Variants in PRR29 observed in about 807,000 individuals in gnomAD.
The protein encoded by PRR29 is proline rich 29, also known as proline-rich protein 29.
PRR29 carries 20 observed loss-of-function variants against 25.1 expected under a neutral mutation model. The ratio of observed to expected loss-of-function variants is 0.80; its 90% CI spans 0.56 to 1.16. The LOEUF is 1.16. Among genes scored for constraint, PRR29 ranks in the 50% most tolerant of loss-of-function variants. The probability of loss-of-function intolerance (pLI) is 0.00; values close to 1 mark genes in which losing one functional copy is unlikely to be tolerated. For synonymous variants in PRR29, 108 were observed against 102.6 expected, an observed-to-expected ratio of 1.05 and a Z score of -0.32; for missense variants, 238 against 246.6, an observed-to-expected ratio of 0.97 and a Z score of 0.23.
At chr17:64,001,027 T>C in intron 3 of PRR29, 57 bp from the exon 4 acceptor site, 2 of 1,371,456 alleles carry the variant, frequency 1.5e-6, no homozygotes, top group South Asian at 1.2e-5. Context: ...GGAGTGGCGG[T>C]GGGGAGAGCC....
In PRR29 at chr17:63,998,701, C is replaced by A; in HGVS notation, c.61-6C>A. 1 of 1,515,566 alleles carries A rather than the reference C, an allele frequency of 6.6e-7. No homozygotes were observed. The highest frequency in any genetic ancestry group is 8.8e-7 in the Non-Finnish European group (1 of 1,132,550). The allele number at this position is 1,515,566 out of a possible 1,614,324, so 93.9% of individuals were successfully genotyped here. On this transcript the variant is annotated splice_polypyrimidine_tract_variant and splice_region_variant and intron_variant, in intron 1 of 5. Transcript: ENST00000412177. ...CCCACCTGGCTGACTCCGCGCACACCCCCAGCCCTGGGTCACCTTCCTGCA... is the reference window on the plus strand; with the variant it reads ...CCCACCTGGCTGACTCCGCGCACACACCCAGCCCTGGGTCACCTTCCTGCA...
Position 64,002,529 on chromosome 17 carries a change from G to A in PRR29, c.*768G>A. Reference sequence around the variant, plus strand: ...GGGAGGGAGGCATCTAGGGAGAGGGGTCCCCCATGGTGGCTCCCCTCCCTG... The same window carrying A: ...GGGAGGGAGGCATCTAGGGAGAGGGATCCCCCATGGTGGCTCCCCTCCCTG... On this transcript the variant is annotated 3_prime_UTR_variant, in exon 6 of 6. Coordinates refer to ENST00000412177, the MANE Select transcript of PRR29 (RefSeq NM_001164257.2). The A allele has an allele frequency of 1.8e-6, 1 of 552,330 alleles. No homozygotes were observed. Among genetic ancestry groups the A allele is most frequent in the Non-Finnish European group, 3.2e-6 (1 of 310,816 alleles). The allele number at this position is 552,330 out of a possible 1,614,324, so 34.2% of individuals were successfully genotyped here.
intron 1 of PRR29, 110 bp downstream of exon 1, chr17:63,998,534 GCCC>G: frequency 7.8e-7 from 1 of 1,283,132 alleles, no homozygotes; most frequent in Non-Finnish European, 1.0e-6. Context: ...AGGAGAGACA[GCCC>G]CAAACCGAGA....
chr17:64,000,971 C>A, intron 3 of PRR29, 113 bp from the exon 4 acceptor site: 1 of 944,066 alleles, frequency 1.1e-6, no homozygotes, highest in Non-Finnish European at 1.6e-6. Context: ...TGGCCACAAG[C>A]CATTCTTACA....
Position 64,003,004 on chromosome 17 carries a change from C to A in PRR29, c.*1243C>A. 2 of 1,403,276 alleles carry A rather than the reference C, an allele frequency of 1.4e-6. No individual in the cohort carries two copies. The highest frequency in any genetic ancestry group is 2.4e-5 in the East Asian group (1 of 42,206). 86.9% of individuals were successfully genotyped at this position (1,403,276 alleles called of 1,614,324 possible). A position where few individuals can be genotyped will look rare whatever the true frequency, so the allele number is the denominator to read the frequency against. ...GACCAAAAGGGAGTGGAAGTCCACC[C>A]CCAACCCAGACCCCCAGACCCCGCC... On this transcript the variant is annotated 3_prime_UTR_variant, in exon 6 of 6. Coordinates refer to ENST00000412177, the MANE Select transcript of PRR29 (RefSeq NM_001164257.2).
At position 63,998,766 on chromosome 17, in the gene PRR29, A is replaced by G; in HGVS notation, c.120A>G (p.Pro40=). 1.3e-6 allele frequency: 2 copies of G among 1,492,652 alleles called. No individual in the cohort carries two copies. The highest frequency in any genetic ancestry group is 1.8e-6 in the Non-Finnish European group (2 of 1,127,358). The allele number at this position is 1,492,652 out of a possible 1,614,324, so 92.5% of individuals were successfully genotyped here. The change falls in exon 2 of 6, where the codon CCA becomes CCG. Residue 40 remains proline, a synonymous_variant. Transcript: ENST00000412177. ...CCGTCCCACCTGCGCCCCCGCAGCC[A>G]GGCCGCGTGAAGGAAGGTGAGACTC... ...SWAVPPAPPQ[P]GRVKEDLLEL... is the part of the protein sequence containing the mutation.
Position 64,001,868 on chromosome 17 carries a change from G to C in PRR29, c.*107G>C. 6.5e-7 allele frequency: 1 copy of C among 1,536,854 alleles called. No individual in the cohort carries two copies. Among genetic ancestry groups the C allele is most frequent in the South Asian group, 1.2e-5 (1 of 84,058 alleles). The stretch of plus-strand genomic sequence containing the variant: ...GACTCCCCGGTGCCCATGGCTGGCA[G>C]TCCTTCTCACTCCCTCAACCTCAGC... On this transcript the variant is annotated 3_prime_UTR_variant, in exon 6 of 6. Transcript: ENST00000412177.
rs1255827256 is a variant in PRR29, at chr17:64,002,171, C to T, written c.*410C>T. 4 of 736,072 alleles carry T rather than the reference C, an allele frequency of 5.4e-6. No individual in the cohort carries two copies. Among genetic ancestry groups the T allele is most frequent in the Non-Finnish European group, 8.7e-6 (4 of 461,472 alleles). The allele number at this position is 736,072 out of a possible 1,614,324, so 45.6% of individuals were successfully genotyped here. On this transcript the variant is annotated 3_prime_UTR_variant, in exon 6 of 6. Transcript: ENST00000412177. ...GGGAGGGGGGGATTCCTTCTGCTTT[C>T]CACAGCTTTGAAGGCCCCTTTGAGG...
rs753330024 is a variant in PRR29 at position 64,002,933 on chromosome 17, G to C, written c.*1172G>C. ...GGCTGTCCGACACAGGCTCTGGGGA[G>C]GGAGGGGGCAAGGGTCTTAGACGTC... On this transcript the variant is annotated 3_prime_UTR_variant, in exon 6 of 6. Coordinates refer to ENST00000412177, the MANE Select transcript of PRR29 (RefSeq NM_001164257.2). The C allele has an allele frequency of 6.2e-7, 1 of 1,612,546 alleles. No homozygotes were observed. Among genetic ancestry groups the C allele is most frequent in the South Asian group, 1.1e-5 (1 of 91,020 alleles).
Position 64,002,063 on chromosome 17 carries a change from G to C in PRR29, c.*302G>C. On this transcript the variant is annotated 3_prime_UTR_variant, in exon 6 of 6. Coordinates refer to ENST00000412177, the MANE Select transcript of PRR29 (RefSeq NM_001164257.2). ...TCCTGCCTGGAGCAGGGGGAGGCCT[G>C]GGAACAGAGCCCCCACCCTCTCTCC... is the stretch of plus-strand genomic sequence containing the variant. 7.1e-7 allele frequency: 1 copy of C among 1,416,228 alleles called. No individual in the cohort carries two copies. The highest frequency in any genetic ancestry group is 9.5e-7 in the Non-Finnish European group (1 of 1,051,432). The allele number at this position is 1,416,228 out of a possible 1,614,324, so 87.7% of individuals were successfully genotyped here.
In PRR29 at chr17:64,001,456, C is replaced by T; in HGVS notation, c.471-11C>T. 6.7e-7 allele frequency: 1 copy of T among 1,498,506 alleles called. No homozygotes were observed. Among genetic ancestry groups the T allele is most frequent in the Non-Finnish European group, 8.9e-7 (1 of 1,128,032 alleles). The allele number at this position is 1,498,506 out of a possible 1,614,324, so 92.8% of individuals were successfully genotyped here. ...CCTCTGATGGGGGTCTTTTTCTTTC[C>T]CCCATCTCAGGAGAGCTGTGCCCCC... On this transcript the variant is annotated splice_polypyrimidine_tract_variant and intron_variant, in intron 4 of 5. Coordinates refer to ENST00000412177, the MANE Select transcript of PRR29 (RefSeq NM_001164257.2).
Position 64,003,872 on chromosome 17 carries a change from G to C in PRR29, c.*2111G>C, listed in dbSNP as rs770462917. ...AGGAAGAGGGTGAGGCTGTCCAGGG[G>C]CTCCACGGTGGGCACCCTGCACTCA... is the stretch of plus-strand genomic sequence containing the variant. On this transcript the variant is annotated 3_prime_UTR_variant, in exon 6 of 6. Coordinates refer to ENST00000412177, the MANE Select transcript of PRR29 (RefSeq NM_001164257.2). 1.2e-6 allele frequency: 2 copies of C among 1,614,220 alleles called. No homozygotes were observed. Among genetic ancestry groups the C allele is most frequent in the Non-Finnish European group, 1.7e-6 (2 of 1,180,024 alleles).
chr17:64,001,461 T>A lies in PRR29; in HGVS notation c.471-6T>A. 1 of 1,498,058 alleles carries A rather than the reference T, an allele frequency of 6.7e-7. No homozygotes were observed. Among genetic ancestry groups the A allele is most frequent in the Non-Finnish European group, 8.9e-7 (1 of 1,128,264 alleles). 92.8% of individuals were successfully genotyped at this position (1,498,058 alleles called of 1,614,324 possible). A position where few individuals can be genotyped will look rare whatever the true frequency, so the allele number is the denominator to read the frequency against. On this transcript the variant is annotated splice_polypyrimidine_tract_variant and splice_region_variant and intron_variant, in intron 4 of 5. Coordinates refer to ENST00000412177, the MANE Select transcript of PRR29 (RefSeq NM_001164257.2). ...GATGGGGGTCTTTTTCTTTCCCCCA[T>A]CTCAGGAGAGCTGTGCCCCCACCCC...
At position 64,001,113 on chromosome 17, in the gene PRR29, T is replaced by TGAG. The variant is rs559317966; in HGVS notation, c.289_291dup (p.Glu97dup). The TGAG allele has an allele frequency of 3.3e-5, 51 of 1,536,958 alleles. No individual in the cohort carries two copies. Among genetic ancestry groups the TGAG allele is most frequent in the Admixed American group, 2.7e-4 (14 of 50,956 alleles). On this transcript the variant is annotated inframe_insertion, in exon 4 of 6. Transcript: ENST00000412177. ...ACCTGGAGGTTCCACAGGAAGAGCCTGAGGAGGAGGAGGAGGAGATGGACG... is the reference window on the plus strand; with the variant it reads ...ACCTGGAGGTTCCACAGGAAGAGCCTGAGGAGGAGGAGGAGGAGGAGATGGACG...
chr17:63,998,608 G>C, intron 1 of PRR29, 99 bp from the exon 2 acceptor site: 1 of 1,023,688 alleles, frequency 9.8e-7, no homozygotes. Context: ...CCTGGCCCCT[G>C]CGGGGTTAGG....
intron 2 of PRR29, 57 bp downstream of exon 2, chr17:63,998,839 C>T: frequency 1.3e-6 from 1 of 785,782 alleles, no homozygotes; most frequent in Non-Finnish European, 1.9e-6. Flanking sequence ...TCACCCTCTT[C>T]TGCCTCGCAC....
chr17:64,001,004 T>G, intron 3 of PRR29, 80 bp from the exon 4 acceptor site: 1 of 1,201,378 alleles, frequency 8.3e-7, no homozygotes, highest in Non-Finnish European at 1.2e-6. Flanking sequence ...AGGAAATAAC[T>G]TAGGGGAATG....
rs755265560 is a variant in PRR29 at position 64,001,577 on chromosome 17, A to G, written c.541+40A>G. On this transcript the variant is annotated intron_variant, in intron 5 of 5. Coordinates refer to ENST00000412177, the MANE Select transcript of PRR29 (RefSeq NM_001164257.2). ...GTGGGCAGCGGGGCCCAGGCCTGGG[A>G]GTGAATCAGGAGGCCAGGAGGGCCC... The G allele has an allele frequency of 4.7e-6, 7 of 1,492,686 alleles. No individual in the cohort carries two copies. In the East Asian group the frequency reaches 1.2e-4, roughly 26 times the overall value. 92.5% of individuals were successfully genotyped at this position (1,492,686 alleles called of 1,614,324 possible).
At position 64,001,821 on chromosome 17, in the gene PRR29, C is replaced by T. The variant is rs759265329; in HGVS notation, c.*60C>T. The stretch of plus-strand genomic sequence containing the variant: ...CCTGCTCTGGATACAGCCCCGGAGC[C>T]GCCTCCTGCACCTCTCTTGTCGACT... On this transcript the variant is annotated 3_prime_UTR_variant, in exon 6 of 6. Coordinates refer to ENST00000412177, the MANE Select transcript of PRR29 (RefSeq NM_001164257.2). 120 of 1,536,928 alleles carry T rather than the reference C, an allele frequency of 7.8e-5. No homozygotes were observed. The highest frequency in any genetic ancestry group is 9.6e-5 in the Non-Finnish European group (110 of 1,146,882).
Sources: gnomAD v4.1 joint callset for allele counts on GRCh38, gnomAD v4.1.1 for gene constraint, MANE v1.5 for transcripts, NCBI Gene and HGNC (gene_info 2026-07-23, HGNC 2026-07-21) for gene names.